Variants in PTPRN2 observed in about 807,000 individuals in gnomAD.
PTPRN2 encodes the protein receptor-type tyrosine-protein phosphatase N2.
PTPRN2 carries 74 observed loss-of-function variants against 118.8 expected under a neutral mutation model. That is an observed-to-expected ratio of 0.62 (90% confidence interval 0.52 to 0.76). PTPRN2 has a LOEUF of 0.76. Ranked by LOEUF, PTPRN2 falls within the 30% of genes least tolerant of loss-of-function variation. The pLI is 0.00. For synonymous variants in PTPRN2, 641 were observed against 608.0 expected (o/e 1.05, Z -0.80); for missense variants, 1,481 against 1,394.4 (o/e 1.06, Z -0.99).
chr7:158,510,158 T>C (rs1428499953), intron 1 of PTPRN2, among the ~76,000 whole-genome samples: 1 of 152,234 alleles, frequency 6.6e-6, no homozygotes, highest in African/African-American at 2.4e-5. Context: ...TGTTTCCTGG[T>C]GTGCGGGGAC....
chr7:158,146,529 GACTA>G (rs1820035868), intron 6 of PTPRN2, among the ~76,000 whole-genome samples: 1 of 151,964 alleles, frequency 6.6e-6, no homozygotes, highest in Admixed American at 6.6e-5. Flanking sequence ...AGACCATCCT[GACTA>G]ACATGGTGAA....
At chr7:158,548,412 A>G (rs2129449998) in intron 1 of PTPRN2, among the ~76,000 whole-genome samples, 1 of 152,106 alleles carries the variant, frequency 6.6e-6, no homozygotes, top group Admixed American at 6.5e-5. Context: ...GCCTTCCAGC[A>G]TCTTCCCCAG....
intron 1 of PTPRN2, among the ~76,000 whole-genome samples, chr7:158,521,593 C>G (rs1362539549): frequency 1.7e-4 from 21 of 124,560 alleles, no homozygotes; most frequent in African/African-American, 4.8e-4. Flanking sequence ...GTCCACGTCA[C>G]AATGGTGGAC....
chr7:157,800,710 T>G, intron 12 of PTPRN2, among the ~76,000 whole-genome samples: 1 of 151,972 alleles, frequency 6.6e-6, no homozygotes, highest in African/African-American at 2.4e-5. Flanking sequence ...CCCAGCACTT[T>G]GGGAGGCCGA....
intron 3 of PTPRN2, among the ~76,000 whole-genome samples, chr7:158,208,556 A>T (rs754800943): frequency 6.6e-6 from 1 of 152,246 alleles, no homozygotes; most frequent in Non-Finnish European, 1.5e-5. Context: ...TATCCAACAA[A>T]AATGCATTTC....
intron 4 of PTPRN2, among the ~76,000 whole-genome samples, chr7:158,203,565 C>T (rs561229543): frequency 2.3e-4 from 35 of 151,238 alleles, no homozygotes; most frequent in Middle Eastern, 3.4e-3. Context: ...TTTCCTCCCA[C>T]GTTTGGCAGC....
chr7:157,658,704 T>C (rs1233716647), intron 13 of PTPRN2, among the ~76,000 whole-genome samples: 2 of 152,228 alleles, frequency 1.3e-5, no homozygotes, highest in East Asian at 1.9e-4. Flanking sequence ...TGTGTTAGGA[T>C]AGCCCGTCCT....
intron 2 of PTPRN2, among the ~76,000 whole-genome samples, chr7:158,449,113 G>A (rs1420253903): frequency 1.3e-5 from 2 of 152,216 alleles, no homozygotes; most frequent in Non-Finnish European, 2.9e-5. Flanking sequence ...TTTCACACCA[G>A]AGGAAAAGTA....
chr7:157,843,411 G>C (rs932879224), intron 12 of PTPRN2, among the ~76,000 whole-genome samples: 1 of 152,122 alleles, frequency 6.6e-6, no homozygotes, highest in Non-Finnish European at 1.5e-5. Context: ...CGGCGTGGGG[G>C]TTTATGGGCT....
chr7:158,328,673 G>C (rs1803854981), intron 2 of PTPRN2, among the ~76,000 whole-genome samples: 1 of 151,942 alleles, frequency 6.6e-6, no homozygotes, highest in Non-Finnish European at 1.5e-5. Flanking sequence ...GCCTGGGATG[G>C]TATATCCAGG....
At chr7:158,279,163 A>G (rs1799242297) in intron 3 of PTPRN2, among the ~76,000 whole-genome samples, 1 of 152,238 alleles carries the variant, frequency 6.6e-6, no homozygotes, top group Non-Finnish European at 1.5e-5. Flanking sequence ...GGCCGCACCT[A>G]CATCCTGCTG....
At chr7:158,428,256 A>G (rs1815894509) in intron 2 of PTPRN2, among the ~76,000 whole-genome samples, 1 of 147,072 alleles carries the variant, frequency 6.8e-6, no homozygotes, top group Non-Finnish European at 1.5e-5. Context: ...GTAATAAAAC[A>G]TGAGGTGGTG....
At chr7:158,568,143 C>T (rs1485150381) in intron 1 of PTPRN2, among the ~76,000 whole-genome samples, 1 of 152,126 alleles carries the variant, frequency 6.6e-6, no homozygotes, top group African/African-American at 2.4e-5. Flanking sequence ...GTTCCAGCTA[C>T]TTGGGAGGCT....
At chr7:158,317,419 G>A (rs977283645) in intron 2 of PTPRN2, among the ~76,000 whole-genome samples, 10 of 152,260 alleles carry the variant, frequency 6.6e-5, no homozygotes, top group Admixed American at 1.3e-4. Context: ...GGCTTCCCGG[G>A]CTCCTTTCCG....
intron 3 of PTPRN2, among the ~76,000 whole-genome samples, chr7:158,262,483 GCA>G (rs201294950): frequency 0.019 from 2,258 of 121,710 alleles, 69 homozygotes; most frequent in African/African-American, 0.067. Flanking sequence ...CATTCACGCT[GCA>G]CACACATACA....
At chr7:157,926,959 C>A (rs1799030318) in intron 11 of PTPRN2, among the ~76,000 whole-genome samples, 2 of 150,704 alleles carry the variant, frequency 1.3e-5, no homozygotes, top group Non-Finnish European at 2.9e-5. Flanking sequence ...TCTGCTGGGG[C>A]CCTGAACACA....
At chr7:158,285,163 C>T (rs1314658646) in intron 3 of PTPRN2, among the ~76,000 whole-genome samples, 1 of 152,192 alleles carries the variant, frequency 6.6e-6, no homozygotes, top group Non-Finnish European at 1.5e-5. Context: ...GGCCATGCTG[C>T]AAATGTATCC....
chr7:158,410,304 C>T (rs182835999), intron 2 of PTPRN2, among the ~76,000 whole-genome samples: 3 of 152,286 alleles, frequency 2.0e-5, no homozygotes, highest in Non-Finnish European at 4.4e-5. Flanking sequence ...GCTGTCATCC[C>T]GAAGGCAGGA....
chr7:158,161,260 C>T (rs1822332978), intron 6 of PTPRN2, among the ~76,000 whole-genome samples: 1 of 152,168 alleles, frequency 6.6e-6, no homozygotes, highest in Non-Finnish European at 1.5e-5. Flanking sequence ...CCCATAACAG[C>T]CAACACAATA....
Sources: allele counts gnomAD v4.1 joint callset (sites outside exome capture counted in the v4.1 genomes callset), GRCh38; gene constraint gnomAD v4.1.1; transcripts MANE v1.5; gene names NCBI Gene and HGNC (gene_info 2026-07-23, HGNC 2026-07-21).